The following MPRIP variants were observed in gnomAD, a reference collection of about 807,000 sequenced individuals.
The protein encoded by MPRIP is myosin phosphatase Rho-interacting protein.
Under a neutral mutation model 234.9 loss-of-function variants are expected in MPRIP, and 59 were observed. The ratio of observed to expected loss-of-function variants is 0.25; its 90% CI spans 0.20 to 0.31. The LOEUF (loss-of-function observed/expected upper bound fraction) is 0.31, where lower values mean the gene tolerates loss of function less well. Among genes scored for constraint, MPRIP ranks in the 10% least tolerant of loss-of-function variants. MPRIP has a pLI of 1.00. For missense variants in MPRIP, 2,436 were observed against 3,071.0 expected, an observed-to-expected ratio of 0.79 and a Z score of 4.89; for synonymous variants, 1,144 against 1,263.9, an observed-to-expected ratio of 0.91 and a Z score of 2.01.
chr17:17,125,013 C>G (rs1210501960), intron 3 of MPRIP, among the ~76,000 whole-genome samples: 1 of 152,192 alleles, frequency 6.6e-6, no homozygotes, highest in Admixed American at 6.5e-5. Flanking sequence ...TCCAGGCTTC[C>G]TGGACTAACA....
intron 12 of MPRIP, among the ~76,000 whole-genome samples, chr17:17,150,736 A>G (rs1054738539): frequency 9.2e-5 from 14 of 151,874 alleles, no homozygotes; most frequent in African/African-American, 3.1e-4. Context: ...TGGTAGGACA[A>G]AATGGTTCTT....
At chr17:17,154,469 C>A (rs192933067) in intron 13 of MPRIP, 54 bp downstream of exon 13, 1 of 1,478,960 alleles carries the variant, frequency 6.8e-7, no homozygotes, top group Non-Finnish European at 9.4e-7. Flanking sequence ...GGTGCCACTC[C>A]CGCCAGGGCA....
rs567806281 is a variant in MPRIP, at chr17:17,161,204, C to T, written c.2401-36C>T. On this transcript the variant is annotated intron_variant, in intron 14 of 23. Coordinates refer to ENST00000651222, the MANE Select transcript of MPRIP (RefSeq NM_001364716.4). ...GTGCAGCTGCTTTGTTTATCATTGT[C>T]ATTTTGCATAAAAGTGTGTGTCTTT... 55 of 1,478,802 alleles carry T rather than the reference C, an allele frequency of 3.7e-5. No homozygotes were observed. In the Middle Eastern group the frequency reaches 7.1e-4, roughly 19 times the overall value. 91.6% of individuals were successfully genotyped at this position (1,478,802 alleles called of 1,614,324 possible). A position where few individuals can be genotyped will look rare whatever the true frequency, so the allele number is the denominator to read the frequency against.
rs2045993106 is a variant in MPRIP, at chr17:17,166,229, C to T, written c.4638C>T (p.Ala1546=). Residue 1546 remains alanine (A), a synonymous_variant, in exon 16 of 24, where the codon GCC becomes GCT. Transcript: ENST00000651222. This position sits in a 1 kb window ranked among gnomAD's most constrained non-coding sequence, Gnocchi z 4.4. ...GCACCGAGGAGAATGGGAAGCCTGC[C>T]TCCCTGCAGCAGTGCTCCCAGTCTG... ...TGGTEENGKP[A]SLQQCSQSEL... is the part of the protein sequence containing the mutation. 2 of 1,303,594 alleles carry T rather than the reference C, an allele frequency of 1.5e-6. No individual in the cohort carries two copies. The highest frequency in any genetic ancestry group is 5.5e-5 in the East Asian group (1 of 18,026). 80.8% of individuals were successfully genotyped at this position (1,303,594 alleles called of 1,614,324 possible).
chr17:17,143,504 C>T (rs1041346510), intron 8 of MPRIP, 52 bp from the exon 9 acceptor site: 8 of 1,258,628 alleles, frequency 6.4e-6, no homozygotes, highest in South Asian at 1.5e-5. Context: ...TCGTCCCTCA[C>T]ATGCCCACAT....
intron 1 of MPRIP, among the ~76,000 whole-genome samples, chr17:17,060,184 T>G (rs1298462329): frequency 6.6e-6 from 1 of 152,164 alleles, no homozygotes. Flanking sequence ...AAGTAAAGGC[T>G]GTAGGGCTCT....
intron 3 of MPRIP, among the ~76,000 whole-genome samples, chr17:17,094,647 C>T (rs528242185): frequency 4.7e-5 from 7 of 148,284 alleles, no homozygotes; most frequent in African/African-American, 1.3e-4. Flanking sequence ...AATGGAGTCT[C>T]GCTCTGTCAC....
intron 3 of MPRIP, among the ~76,000 whole-genome samples, chr17:17,101,876 T>C (rs1452523342): frequency 6.6e-6 from 1 of 152,158 alleles, no homozygotes; most frequent in Non-Finnish European, 1.5e-5. Flanking sequence ...CCTGCCTGCC[T>C]TGGCTCTACA....
At chr17:17,144,039 T>C (rs1389512983) in intron 9 of MPRIP, among the ~76,000 whole-genome samples, 1 of 152,238 alleles carries the variant, frequency 6.6e-6, no homozygotes, top group African/African-American at 2.4e-5. Context: ...CACGTCTTGC[T>C]GGAGCTTGTC....
intron 5 of MPRIP, among the ~76,000 whole-genome samples, chr17:17,134,589 G>A (rs1366937333): frequency 6.6e-6 from 1 of 152,244 alleles, no homozygotes; most frequent in African/African-American, 2.4e-5. Flanking sequence ...TCCTGGGTCT[G>A]TGGGAAGAGC....
intron 4 of MPRIP, among the ~76,000 whole-genome samples, chr17:17,128,914 C>T (rs982402731): frequency 6.6e-6 from 1 of 152,196 alleles, no homozygotes; most frequent in African/African-American, 2.4e-5. Flanking sequence ...TCCCAGTAAC[C>T]TCATCCCTAG....
intron 8 of MPRIP, 56 bp from the exon 9 acceptor site, chr17:17,143,500 C>T: frequency 2.4e-6 from 3 of 1,232,352 alleles, no homozygotes; most frequent in African/African-American, 1.6e-5. Context: ...CAGCTCGTCC[C>T]TCACATGCCC....
intron 3 of MPRIP, among the ~76,000 whole-genome samples, chr17:17,104,819 G>T (rs2090032525): frequency 6.6e-6 from 1 of 152,188 alleles, no homozygotes; most frequent in Non-Finnish European, 1.5e-5. Context: ...CTGTGGCTCA[G>T]TGGTATGGGC....
At chr17:17,074,100 T>A (rs2089268676) in intron 1 of MPRIP, among the ~76,000 whole-genome samples, 1 of 152,250 alleles carries the variant, frequency 6.6e-6, no homozygotes, top group Non-Finnish European at 1.5e-5. Context: ...AGTCACGGTC[T>A]GCAGCTACCA....
At chr17:17,072,455 G>A (rs2089219187) in intron 1 of MPRIP, among the ~76,000 whole-genome samples, 1 of 152,170 alleles carries the variant, frequency 6.6e-6, no homozygotes, top group African/African-American at 2.4e-5. Flanking sequence ...CTGGGGTGGG[G>A]GTGGGGGGCA....
chr17:17,145,685 A>G (rs2045447155), intron 9 of MPRIP, among the ~76,000 whole-genome samples: 1 of 152,238 alleles, frequency 6.6e-6, no homozygotes, highest in South Asian at 2.1e-4. Context: ...CCCTTCAAAT[A>G]AAATGTTCTG....
In MPRIP at chr17:17,191,638, C is replaced by T. The variant is rs969757235; in HGVS notation, c.*6744C>T. The T allele has an allele frequency of 5.3e-5, 8 of 152,264 alleles. No homozygotes were observed. Among genetic ancestry groups the T allele is most frequent in the African/African-American group, 1.9e-4 (8 of 41,448 alleles). 9.4% of individuals were successfully genotyped at this position (152,264 alleles called of 1,614,324 possible). A position where few individuals can be genotyped will look rare whatever the true frequency, so the allele number is the denominator to read the frequency against. On this transcript the variant is annotated 3_prime_UTR_variant, in exon 24 of 24. Coordinates refer to ENST00000651222, the MANE Select transcript of MPRIP (RefSeq NM_001364716.4). The stretch of plus-strand genomic sequence containing the variant: ...GGGCCTTCCCCAGGCGCAGCTCGGC[C>T]ACCTGAGGAAAGGGTGTTTCGGAGG...
rs529773779 is a variant in MPRIP, at chr17:17,093,212, T to C, written c.267+15136T>C. 2.6e-5 allele frequency among the ~76,000 whole-genome samples: 4 copies of C among 152,300 alleles called. No individual in the cohort carries two copies. The South Asian group carries it at 8.3e-4, about 32-fold the overall frequency. ...ATCCTATTTCCCCCAAAGTCAAGTG[T>C]TTGAATTGTAACAACTTTGGAGGCT... On this transcript the variant is annotated intron_variant, in intron 3 of 23. Transcript: ENST00000651222.
At chr17:17,132,466 T>C (rs1597859863) in intron 5 of MPRIP, among the ~76,000 whole-genome samples, 2 of 152,210 alleles carry the variant, frequency 1.3e-5, no homozygotes, top group East Asian at 3.8e-4. Context: ...TACCATACGC[T>C]ACTCTTCCCA....
Sources: gnomAD v4.1 joint callset for allele counts (sites outside exome capture counted in the v4.1 genomes callset) on GRCh38, gnomAD v4.1.1 for gene constraint, Gnocchi (gnomAD v3.1) non-coding constraint, MANE v1.5 for transcripts, NCBI Gene and HGNC (gene_info 2026-07-23, HGNC 2026-07-21) for gene names.